Variants in SUCLA2 observed in about 807,000 individuals in gnomAD.
The protein encoded by SUCLA2 is succinate-CoA ligase ADP-forming subunit beta.
Under a neutral mutation model 54.8 loss-of-function variants are expected in SUCLA2, and 30 were observed. The observed-to-expected ratio is 0.55, with a 90% CI of 0.41 to 0.74. SUCLA2 has a LOEUF of 0.74. SUCLA2 is among the 30% of genes least tolerant of loss of function. The pLI, the probability that SUCLA2 is intolerant of heterozygous loss-of-function variation, is 0.00. For synonymous variants in SUCLA2, 172 were observed against 188.9 expected (o/e 0.91, Z 0.74); for missense variants, 476 against 562.9 (o/e 0.85, Z 1.56).
intron 4 of SUCLA2, chr13:47,987,721 A>C (rs953296722): frequency 3.9e-5 from 6 of 152,256 alleles, no homozygotes; most frequent in Admixed American, 1.3e-4. Context: ...GTTCTACATA[A>C]GAAAATTATT....
intron 10 of SUCLA2, among the ~76,000 whole-genome samples, chr13:47,946,496 A>G (rs1429218326): frequency 6.6e-6 from 1 of 152,128 alleles, no homozygotes; most frequent in East Asian, 1.9e-4. Context: ...GGAAATATAT[A>G]AAAGCTAGAT....
chr13:47,987,562 G>C (rs1465850599), intron 4 of SUCLA2: 1 of 151,800 alleles, frequency 6.6e-6, no homozygotes, highest in African/African-American at 2.4e-5. Context: ...TATTCTGAGT[G>C]GATTTTTACT....
chr13:47,956,095 G>A (rs1296813333), intron 6 of SUCLA2, among the ~76,000 whole-genome samples: 2 of 152,036 alleles, frequency 1.3e-5, no homozygotes, highest in Non-Finnish European at 2.9e-5. Flanking sequence ...ACAGTCAACT[G>A]AAACCAAACC....
chr13:47,973,116 C>A, intron 5 of SUCLA2, 148 bp downstream of exon 5: 1 of 684,424 alleles, frequency 1.5e-6, no homozygotes, highest in South Asian at 1.7e-5. Context: ...TAAATAATTC[C>A]AAAATGAGCT....
intron 6 of SUCLA2, among the ~76,000 whole-genome samples, chr13:47,957,475 GGTGA>G (rs1444583789): frequency 6.6e-6 from 1 of 152,140 alleles, no homozygotes; most frequent in East Asian, 1.9e-4. Context: ...TTTGGCTGAA[GGTGA>G]GTGTCAGTCT....
At chr13:47,992,232 A>C (rs1950155301) in intron 2 of SUCLA2, among the ~76,000 whole-genome samples, 1 of 152,174 alleles carries the variant, frequency 6.6e-6, no homozygotes, top group Non-Finnish European at 1.5e-5. Context: ...AAGAGTAACG[A>C]AGCTCTATTT....
rs148336111 is a variant in SUCLA2 at position 47,987,276 on chromosome 13, A to C, written c.534+1265T>G. Among the ~76,000 whole-genome samples the C allele has an allele frequency of 6.5e-3, 993 of 152,272 alleles. 4 individuals are homozygous for C. The highest frequency in any genetic ancestry group is 0.011 in the Admixed American group (173 of 15,286). Reference sequence around the variant, plus strand: ...AATAAAGATGAATTACTATGGATAGAACTCCTATCTCAATTCATCCAGGTA... The same window carrying C: ...AATAAAGATGAATTACTATGGATAGCACTCCTATCTCAATTCATCCAGGTA... On this transcript the variant is annotated intron_variant, in intron 4 of 10. Coordinates refer to ENST00000646932, the MANE Select transcript of SUCLA2 (RefSeq NM_003850.3).
rs1949803412 is a variant in SUCLA2, at chr13:47,954,515, G to A, written c.845C>T (p.Ala282Val). ...ATCAAAGATTTTCTTTTGGCGATAGGCTGAATTAGAGTCAAAATTGATCTT... is the reference window on the plus strand; with the variant it reads ...ATCAAAGATTTTCTTTTGGCGATAGACTGAATTAGAGTCAAAATTGATCTT... ...DAKINFDSNSAYRQKKIFDLQ... is the reference protein window; with the variant it reads ...DAKINFDSNSVYRQKKIFDLQ... The change falls in exon 7 of 11, where the codon GCC (alanine) becomes GTC (valine). Residue 282 changes from alanine to valine, a missense_variant. Transcript: ENST00000646932. 1 of 1,613,772 alleles carries A rather than the reference G, an allele frequency of 6.2e-7. No individual in the cohort carries two copies.
intron 6 of SUCLA2, among the ~76,000 whole-genome samples, chr13:47,959,589 ATC>A (rs760457745): frequency 3.4e-4 from 51 of 152,066 alleles, no homozygotes; most frequent in Middle Eastern, 3.4e-3. Context: ...GAGGAAAAAA[ATC>A]TGGTACTGAT....
chr13:47,943,496 A>G, intron 10 of SUCLA2, 51 bp from the exon 11 acceptor site: 6 of 1,559,836 alleles, frequency 3.8e-6, no homozygotes, highest in Non-Finnish European at 5.3e-6. Flanking sequence ...TCAGAACTAC[A>G]GGTCAGTGCA....
chr13:47,946,312 G>A (rs1203372032), intron 10 of SUCLA2, among the ~76,000 whole-genome samples: 5 of 152,210 alleles, frequency 3.3e-5, no homozygotes, highest in African/African-American at 1.2e-4. Context: ...CACCCACTAG[G>A]GGTCTTGCAA....
chr13:47,943,766 G>GTGTGTGTATATA (rs1300486540), intron 10 of SUCLA2, among the ~76,000 whole-genome samples: 41 of 139,662 alleles, frequency 2.9e-4, no homozygotes, highest in African/African-American at 1.0e-3. Context: ...GTGTGTGTGT[G>GTGTGTGTATATA]TATATATATA....
intron 5 of SUCLA2, among the ~76,000 whole-genome samples, chr13:47,969,564 T>G (rs1415531696): frequency 6.6e-6 from 1 of 152,192 alleles, no homozygotes; most frequent in Non-Finnish European, 1.5e-5. Flanking sequence ...CAAGCATCTA[T>G]CATGTTTCAA....
intron 6 of SUCLA2, among the ~76,000 whole-genome samples, chr13:47,966,982 C>T (rs1035977357): frequency 6.6e-6 from 1 of 151,884 alleles, no homozygotes; most frequent in Non-Finnish European, 1.5e-5. Flanking sequence ...ATTGTGTCAG[C>T]GTACTCCAGC....
chr13:47,950,135 C>G (rs1009677182), intron 8 of SUCLA2, among the ~76,000 whole-genome samples: 2 of 152,156 alleles, frequency 1.3e-5, no homozygotes, highest in Non-Finnish European at 2.9e-5. Context: ...CATAGATAAC[C>G]CTTATAAAGA....
At chr13:47,953,380 G>A (rs1949791824) in intron 8 of SUCLA2, among the ~76,000 whole-genome samples, 1 of 152,152 alleles carries the variant, frequency 6.6e-6, no homozygotes, top group Admixed American at 6.5e-5. Flanking sequence ...TTTGTCAAAA[G>A]AAGCTATAGA....
At position 47,980,064 on chromosome 13, in the gene SUCLA2, C is replaced by G. The variant is rs149838515; in HGVS notation, c.535-6672G>C. 5.6e-3 allele frequency among the ~76,000 whole-genome samples: 850 copies of G among 152,238 alleles called. 5 individuals are homozygous for G. The highest frequency in any genetic ancestry group is 0.019 in the African/African-American group (782 of 41,524). On this transcript the variant is annotated intron_variant, in intron 4 of 10. Transcript: ENST00000646932. ...ATAAAATACTTAAGGATAGCCTAAT[C>G]GAGGAGGCATAAGACTTATGAACCA... is the stretch of plus-strand genomic sequence containing the variant.
intron 4 of SUCLA2, among the ~76,000 whole-genome samples, chr13:47,973,830 A>C (rs1163709734): frequency 6.6e-6 from 1 of 152,148 alleles, no homozygotes; most frequent in Non-Finnish European, 1.5e-5. Flanking sequence ...TCAACAAACT[A>C]ACACAGGAAC....
At chr13:47,999,500 G>A (rs1950213284) in intron 1 of SUCLA2, among the ~76,000 whole-genome samples, 1 of 152,116 alleles carries the variant, frequency 6.6e-6, no homozygotes, top group Non-Finnish European at 1.5e-5. Flanking sequence ...GAGGTCAGGA[G>A]ATCGAGACCG....
Sources: gnomAD v4.1 joint callset for allele counts (sites outside exome capture counted in the v4.1 genomes callset) on GRCh38, gnomAD v4.1.1 for gene constraint, MANE v1.5 for transcripts, NCBI Gene and HGNC (gene_info 2026-07-23, HGNC 2026-07-21) for gene names.